Variants in PTPRB observed in about 807,000 individuals in gnomAD.
PTPRB encodes protein tyrosine phosphatase receptor type B.
In PTPRB, 97 loss-of-function variants were observed where a neutral mutation model predicts 238.1. The ratio of observed to expected loss-of-function variants is 0.41; its 90% confidence interval spans 0.35 to 0.48. PTPRB has a LOEUF of 0.48. Ranked by LOEUF, PTPRB falls within the 20% of genes least tolerant of loss-of-function variation. The pLI is 0.30. For missense variants in PTPRB, 2,292 were observed against 2,681.9 expected, an observed-to-expected ratio of 0.85 and a Z score of 3.21; for synonymous variants, 970 against 995.4, an observed-to-expected ratio of 0.97 and a Z score of 0.48.
chr12:70,631,764 G>A (rs1005463449), intron 2 of PTPRB, among the ~76,000 whole-genome samples: 1 of 152,130 alleles, frequency 6.6e-6, no homozygotes, highest in Non-Finnish European at 1.5e-5. Flanking sequence ...CAAAAAGTGG[G>A]CAAAGGATAT....
intron 2 of PTPRB, among the ~76,000 whole-genome samples, chr12:70,634,030 T>A (rs2136615031): frequency 6.6e-6 from 1 of 152,318 alleles, no homozygotes; most frequent in African/African-American, 2.4e-5. Context: ...GAATATTTTC[T>A]GATAAAGTTG....
chr12:70,524,337 A>G, intron 33 of PTPRB, 134 bp downstream of exon 33: 1 of 993,084 alleles, frequency 1.0e-6, no homozygotes, highest in Non-Finnish European at 1.4e-6. Flanking sequence ...CTGGTTTCAA[A>G]CTCTTAGGCT....
Position 70,520,959 on chromosome 12 carries a change from C to G in PTPRB, c.*530G>C, listed in dbSNP as rs554372099. On this transcript the variant is annotated 3_prime_UTR_variant, in exon 34 of 34. Transcript: ENST00000334414. ...GCTTAATTCTTTTTTCTCCCTCCCT[C>G]TAATCCTTTTTTTGACTGTCACATT... The G allele has an allele frequency of 6.6e-6, 1 of 152,528 alleles. No individual in the cohort carries two copies. The highest frequency in any genetic ancestry group is 2.1e-4 in the South Asian group (1 of 4,828). 9.4% of individuals were successfully genotyped at this position (152,528 alleles called of 1,614,324 possible).
rs1479251111 is a variant in PTPRB at position 70,593,667 on chromosome 12, T to G, written c.1516+800A>C. Among the ~76,000 whole-genome samples, 8 of 152,140 alleles carry G rather than the reference T, an allele frequency of 5.3e-5. 1 individual carries two copies. The highest frequency in any genetic ancestry group is 5.2e-4 in the Admixed American group (8 of 15,276). Reference sequence around the variant, plus strand: ...GGAATATCTACATATATTTGAGGTGTGTTATAAAAGGTATGTAAATGTACC... The same window carrying G: ...GGAATATCTACATATATTTGAGGTGGGTTATAAAAGGTATGTAAATGTACC... On this transcript the variant is annotated intron_variant, in intron 6 of 33. Coordinates refer to ENST00000334414, the MANE Select transcript of PTPRB (RefSeq NM_001109754.4).
chr12:70,588,169 C>T (rs1326785800), intron 8 of PTPRB, among the ~76,000 whole-genome samples: 2 of 150,946 alleles, frequency 1.3e-5, no homozygotes, highest in East Asian at 1.9e-4. Context: ...ATGAAAGAAT[C>T]AAGTATTAAA....
intron 14 of PTPRB, among the ~76,000 whole-genome samples, chr12:70,568,836 T>C (rs1879659062): frequency 6.6e-6 from 1 of 152,202 alleles, no homozygotes; most frequent in African/African-American, 2.4e-5. Context: ...TCTTGTTATA[T>C]ACGTATCCTT....
intron 22 of PTPRB, chr12:70,542,174 G>A (rs909654624): frequency 3.3e-5 from 5 of 152,144 alleles, no homozygotes; most frequent in African/African-American, 1.2e-4. Flanking sequence ...TTGTGATTTT[G>A]ATTTGCATTT....
At chr12:70,634,285 C>T (rs557862986) in intron 2 of PTPRB, among the ~76,000 whole-genome samples, 2 of 152,188 alleles carry the variant, frequency 1.3e-5, no homozygotes, top group East Asian at 3.9e-4. Context: ...AAAGACTTAA[C>T]AATACAGTGG....
chr12:70,609,465 C>A, intron 3 of PTPRB, 126 bp from the exon 4 acceptor site: 2 of 1,264,584 alleles, frequency 1.6e-6, no homozygotes, highest in African/African-American at 3.0e-5. Context: ...TCAGCCAGTC[C>A]TTTTGCCCTC....
intron 4 of PTPRB, among the ~76,000 whole-genome samples, chr12:70,603,843 A>T (rs1055155022): frequency 5.9e-5 from 9 of 152,200 alleles, no homozygotes; most frequent in Non-Finnish European, 1.3e-4. Flanking sequence ...GAGGCAGTCT[A>T]CCTTCAAAAC....
At chr12:70,585,041 A>G (rs1881757897) in intron 9 of PTPRB, 1 of 151,038 alleles carries the variant, frequency 6.6e-6, no homozygotes, top group Admixed American at 6.6e-5. Flanking sequence ...GACTCATGCA[A>G]CCTCCACCTC....
At chr12:70,569,128 G>A (rs55901945) in intron 14 of PTPRB, among the ~76,000 whole-genome samples, 35,645 of 151,848 alleles carry the variant, frequency 0.23, 4,964 homozygotes, top group African/African-American at 0.39. Context: ...TTGGGACAGG[G>A]TCTCACTCCG....
chr12:70,590,335 CA>C, intron 7 of PTPRB, 102 bp from the exon 8 acceptor site: 1 of 1,185,706 alleles, frequency 8.4e-7, no homozygotes, highest in Middle Eastern at 2.0e-4. Context: ...ACAATATCTG[CA>C]GTTCAAAACA....
intron 3 of PTPRB, among the ~76,000 whole-genome samples, chr12:70,618,182 C>A (rs1884764363): frequency 6.6e-6 from 1 of 152,200 alleles, no homozygotes; most frequent in African/African-American, 2.4e-5. Context: ...TCACTGCAGC[C>A]CTGGCCTCCT....
At chr12:70,551,300 G>T (rs781277790) in intron 21 of PTPRB, among the ~76,000 whole-genome samples, 7 of 152,150 alleles carry the variant, frequency 4.6e-5, no homozygotes, top group Non-Finnish European at 1.0e-4. Context: ...GGCTTGTATG[G>T]TCTCTTTTTG....
intron 18 of PTPRB, 123 bp downstream of exon 18, chr12:70,559,220 A>G (rs1878131819): frequency 9.3e-7 from 1 of 1,077,118 alleles, no homozygotes; most frequent in East Asian, 2.4e-5. Context: ...TTCTGCCTGA[A>G]TTCAAATCCA....
intron 3 of PTPRB, among the ~76,000 whole-genome samples, chr12:70,615,027 G>A (rs763692237): frequency 7.9e-5 from 12 of 152,092 alleles, no homozygotes; most frequent in African/African-American, 2.2e-4. Context: ...AGGAGAGGGC[G>A]GTTGTAAGGA....
chr12:70,572,218 C>A (rs1303386344), intron 11 of PTPRB, 131 bp from the exon 12 acceptor site: 1 of 947,694 alleles, frequency 1.1e-6, no homozygotes, highest in South Asian at 1.7e-5. Flanking sequence ...AAATCTTAGA[C>A]CTTAGGTTAC....
intron 3 of PTPRB, among the ~76,000 whole-genome samples, chr12:70,615,765 T>C (rs1884652662): frequency 6.6e-6 from 1 of 152,222 alleles, no homozygotes; most frequent in Admixed American, 6.5e-5. Context: ...GCTATGGATT[T>C]AGGAGCTAGC....
Sources: allele counts gnomAD v4.1 joint callset (sites outside exome capture counted in the v4.1 genomes callset), GRCh38; gene constraint gnomAD v4.1.1; transcripts MANE v1.5; gene names NCBI Gene and HGNC (gene_info 2026-07-23, HGNC 2026-07-21).